The following MTMR1 variants were observed in gnomAD, a reference collection of about 807,000 sequenced individuals.
The protein encoded by MTMR1 is phosphatidylinositol-3-phosphate phosphatase MTMR1.
MTMR1 carries 17 observed loss-of-function variants against 51.6 expected under a neutral mutation model. The observed-to-expected ratio is 0.33, with a 90% CI of 0.23 to 0.49. MTMR1 has a LOEUF of 0.49. Among genes scored for constraint, MTMR1 ranks in the 20% least tolerant of loss-of-function variants. The pLI is 0.99. For synonymous variants in MTMR1, 201 were observed against 205.6 expected (o/e 0.98, Z 0.19); for missense variants, 386 against 526.9 (o/e 0.73, Z 2.62).
rs782535696 is a variant in MTMR1, at chrX:150,764,954, A to G, written c.*2225A>G. Reference sequence around the variant, plus strand: ...CCTGGTCTTTTTTAAGTAAGTAAGTAAGTATCTTAGTAGATTTTTCCTTTG... The same window carrying G: ...CCTGGTCTTTTTTAAGTAAGTAAGTGAGTATCTTAGTAGATTTTTCCTTTG... On this transcript the variant is annotated 3_prime_UTR_variant, in exon 16 of 16. Transcript: ENST00000445323. 71 of 112,442 alleles carry G rather than the reference A, an allele frequency of 6.3e-4. No homozygotes were observed. Among genetic ancestry groups the G allele is most frequent in the Admixed American group, 1.9e-3 (20 of 10,641 alleles). 9.3% of individuals were successfully genotyped at this position (112,442 alleles called of 1,213,427 possible).
intron 15 of MTMR1, among the ~76,000 whole-genome samples, chrX:150,761,314 C>G (rs782372836): frequency 4.5e-5 from 5 of 112,178 alleles, no homozygotes; most frequent in Non-Finnish European, 9.4e-5. Flanking sequence ...TTCTTCTCAG[C>G]CCACTGGGTG....
chrX:150,727,998 A>T (rs1361505795), intron 6 of MTMR1, among the ~76,000 whole-genome samples: 1 of 111,674 alleles, frequency 9.0e-6, no homozygotes, highest in Non-Finnish European at 1.9e-5. Context: ...TCGAAGTCCA[A>T]TTGTCCCTTG....
chrX:150,744,315 G>C (rs375087363), intron 12 of MTMR1, 46 bp from the exon 13 acceptor site: 12 of 1,050,143 alleles, frequency 1.1e-5, no homozygotes, highest in Admixed American at 2.3e-5. Flanking sequence ...ACTTTCAAGA[G>C]GACTATAACA....
At chrX:150,714,295 A>G (rs1234927179) in intron 3 of MTMR1, among the ~76,000 whole-genome samples, 2 of 112,335 alleles carry the variant, frequency 1.8e-5, no homozygotes, top group African/African-American at 6.5e-5. Context: ...TAGATGGCCT[A>G]CATGTTATTT....
chrX:150,759,423 G>C (rs1557417882), intron 15 of MTMR1, among the ~76,000 whole-genome samples: 1 of 111,158 alleles, frequency 9.0e-6, no homozygotes, highest in African/African-American at 3.3e-5. Flanking sequence ...GGAGTGTCAT[G>C]AACATTAGCA....
chrX:150,705,193 CAG>C (rs782545162), intron 2 of MTMR1, among the ~76,000 whole-genome samples: 17 of 111,883 alleles, frequency 1.5e-4, no homozygotes, highest in Non-Finnish European at 2.8e-4. Flanking sequence ...ATTTGAATAA[CAG>C]AGATAAATGA....
chrX:150,735,849 G>A (rs1557417142), intron 10 of MTMR1: 2 of 158,610 alleles, frequency 1.3e-5, no homozygotes, highest in African/African-American at 6.2e-5. Context: ...TCACCATGTT[G>A]TACAGAGTGA....
Position 150,731,553 on chromosome X carries a change from G to A in MTMR1, c.825G>A (p.Val275=). The change falls in exon 9 of 16, where the codon GTG becomes GTA. Residue 275 remains valine (V), a synonymous_variant. Transcript: ENST00000445323. ...ACACCTACCCTGCCATCATTGTTGT[G>A]CCAACTAGTGTAAAAGATGATGACC... is the stretch of plus-strand genomic sequence containing the variant. ...FCDTYPAIIV[V]PTSVKDDDLS... The A allele has an allele frequency of 8.3e-7, 1 of 1,208,778 alleles. No homozygotes were observed. The highest frequency in any genetic ancestry group is 1.1e-6 in the Non-Finnish European group (1 of 893,807).
intron 2 of MTMR1, among the ~76,000 whole-genome samples, chrX:150,708,951 A>C (rs782316828): frequency 3.7e-4 from 41 of 111,432 alleles, no homozygotes; most frequent in Non-Finnish European, 5.8e-4. Flanking sequence ...TTTAACCACT[A>C]TGCCGACTTA....
At chrX:150,733,229 A>G (rs1013694399) in intron 10 of MTMR1, among the ~76,000 whole-genome samples, 1 of 111,360 alleles carries the variant, frequency 9.0e-6, no homozygotes, top group Non-Finnish European at 1.9e-5. Flanking sequence ...GACTTTCATG[A>G]TATCACACCC....
chrX:150,711,240 T>C (rs782436309), intron 2 of MTMR1, among the ~76,000 whole-genome samples: 14 of 112,529 alleles, frequency 1.2e-4, no homozygotes, highest in African/African-American at 4.2e-4. Flanking sequence ...TAGTAACTTA[T>C]GTATAGACTT....
chrX:150,718,708 T>C lies in MTMR1; in HGVS notation c.352+8T>C. On this transcript the variant is annotated splice_region_variant and intron_variant, in intron 4 of 15. Coordinates refer to ENST00000445323, the MANE Select transcript of MTMR1 (RefSeq NM_001306144.3). ...AATCAATTAAAGCCATTGGTAAGTT[T>C]AGTGTGTACACTTCGCTTTTTGAGA... is the stretch of plus-strand genomic sequence containing the variant. 1 of 1,193,614 alleles carries C rather than the reference T, an allele frequency of 8.4e-7. No homozygotes were observed. Among genetic ancestry groups the C allele is most frequent in the Non-Finnish European group, 1.1e-6 (1 of 886,953 alleles).
Position 150,737,438 on chromosome X carries a change from G to A in MTMR1, c.1463G>A (p.Arg488Lys). The A allele has an allele frequency of 2.5e-6, 3 of 1,208,927 alleles. No homozygotes were observed. The highest frequency in any genetic ancestry group is 3.4e-6 in the Non-Finnish European group (3 of 892,997). ...AAGGAGTGGATAAGCTTTGGACACA[G>A]GTTTGCACTGGTAAGTTCAGACAGT... Reference protein sequence around the residue: ...VEKEWISFGHRFALRVGHGND... With the variant: ...VEKEWISFGHKFALRVGHGND... Residue 488 changes from arginine to lysine, a missense_variant, in exon 12 of 16, where the codon AGG (arginine) becomes AAG (lysine). By Grantham distance (26) the Arg-to-Lys change is conservative. Coordinates refer to ENST00000445323, the MANE Select transcript of MTMR1 (RefSeq NM_001306144.3).
Position 150,718,643 on chromosome X carries a change from A to G in MTMR1, c.295A>G (p.Lys99Glu). 1 of 1,105,230 alleles carries G rather than the reference A, an allele frequency of 9.0e-7. No homozygotes were observed. The highest frequency in any genetic ancestry group is 1.9e-5 in the South Asian group (1 of 52,158). 91.1% of individuals were successfully genotyped at this position (1,105,230 alleles called of 1,213,427 possible). A position where few individuals can be genotyped will look rare whatever the true frequency, so the allele number is the denominator to read the frequency against. The change falls in exon 4 of 16, where the codon AAG becomes GAG. Residue 99 changes from lysine (K) to glutamate (E), a missense_variant. Transcript: ENST00000445323. Reference protein sequence around the residue: ...PDLRALRDGNKLAQMEEAPLF... With the variant: ...PDLRALRDGNELAQMEEAPLF... ...TTGCCAGGCTCTAAGGGATGGAAAT[A>G]AGCTGGCACAGATGGAAGAGGCTCC...
intron 13 of MTMR1, 138 bp from the exon 14 acceptor site, chrX:150,750,592 G>A: frequency 2.4e-6 from 1 of 420,373 alleles, no homozygotes; most frequent in South Asian, 4.0e-5. Context: ...GTAGGTAGTT[G>A]AACTTTACAT....
intron 12 of MTMR1, among the ~76,000 whole-genome samples, chrX:150,740,244 G>A (rs2042386168): frequency 8.9e-6 from 1 of 111,761 alleles, no homozygotes; most frequent in Admixed American, 9.5e-5. Flanking sequence ...TGTCTTGAAA[G>A]CACTTCAGCC....
intron 15 of MTMR1, among the ~76,000 whole-genome samples, chrX:150,760,809 C>T (rs1021102958): frequency 3.6e-5 from 4 of 109,889 alleles, no homozygotes; most frequent in Non-Finnish European, 5.7e-5. Context: ...CGCCTGTAAT[C>T]CCAGCTGCTC....
At chrX:150,706,247 C>T (rs1295069928) in intron 2 of MTMR1, among the ~76,000 whole-genome samples, 2 of 111,449 alleles carry the variant, frequency 1.8e-5, no homozygotes, top group African/African-American at 3.3e-5. Context: ...TTCCAAAGGC[C>T]TTACCTTCAG....
intron 10 of MTMR1, among the ~76,000 whole-genome samples, 185 bp downstream of exon 10, chrX:150,732,915 T>G (rs1271740335): frequency 8.9e-6 from 1 of 112,262 alleles, no homozygotes; most frequent in Non-Finnish European, 1.9e-5. Flanking sequence ...TGGGTTGGGA[T>G]CTTGTCTGTT....
Sources: allele counts gnomAD v4.1 joint callset (sites outside exome capture counted in the v4.1 genomes callset), GRCh38; gene constraint gnomAD v4.1.1; transcripts MANE v1.5; gene names NCBI Gene and HGNC (gene_info 2026-07-23, HGNC 2026-07-21).